The following PDE4D variants were observed in gnomAD, a reference collection of about 807,000 sequenced individuals.
The protein encoded by PDE4D is phosphodiesterase 4D, also known as 3',5'-cyclic-AMP phosphodiesterase 4D.
Under a neutral mutation model 87.4 loss-of-function variants are expected in PDE4D, and 24 were observed. The ratio of observed to expected loss-of-function variants is 0.27; its 90% CI spans 0.20 to 0.39. The LOEUF (loss-of-function observed/expected upper bound fraction) is 0.39, where lower values mean the gene tolerates loss of function less well. Among genes scored for constraint, PDE4D ranks in the 10% least tolerant of loss-of-function variants. The pLI, the probability that PDE4D is intolerant of heterozygous loss-of-function variation, is 1.00. For missense variants in PDE4D, 714 were observed against 1,041.0 expected (o/e 0.69, Z 4.32); for synonymous variants, 384 against 383.2 (o/e 1.00, Z -0.02).
chr5:59,887,222 T>C (rs1178231104), intron 1 of PDE4D, among the ~76,000 whole-genome samples: 4 of 152,158 alleles, frequency 2.6e-5, no homozygotes, highest in Non-Finnish European at 5.9e-5. Flanking sequence ...GCAAATTTTA[T>C]AGAGTTCTCA....
chr5:60,490,946 T>C (rs1749499224), upstream of PDE4D: 1 of 152,224 alleles, frequency 6.6e-6, no homozygotes, highest in Non-Finnish European at 1.5e-5. Context: ...ATGAGTAAAC[T>C]ATAGAAAACG....
chr5:59,229,832 C>T (rs1488150501), intron 1 of PDE4D, among the ~76,000 whole-genome samples: 1 of 152,156 alleles, frequency 6.6e-6, no homozygotes, highest in Non-Finnish European at 1.5e-5. Context: ...GAGTTTTGCT[C>T]TTGTTGTGCA....
intron 2 of PDE4D, among the ~76,000 whole-genome samples, chr5:60,062,887 G>A (rs1236186157): frequency 6.6e-6 from 1 of 151,940 alleles, no homozygotes; most frequent in Non-Finnish European, 1.5e-5. Context: ...GACACAGGGA[G>A]GGGAACAACA....
intron 1 of PDE4D, among the ~76,000 whole-genome samples, chr5:59,830,606 T>C (rs1741038166): frequency 6.6e-6 from 1 of 152,208 alleles, no homozygotes; most frequent in Admixed American, 6.5e-5. Flanking sequence ...CCAAATACCT[T>C]TCTGTACATT....
chr5:59,204,501 G>A (rs1303806042), intron 2 of PDE4D, among the ~76,000 whole-genome samples: 2 of 152,180 alleles, frequency 1.3e-5, no homozygotes, highest in Non-Finnish European at 2.9e-5. Flanking sequence ...TTAAACAAAT[G>A]TTTAGCACAT....
chr5:59,742,310 T>G (rs1580809971), intron 1 of PDE4D, among the ~76,000 whole-genome samples: 1 of 152,254 alleles, frequency 6.6e-6, no homozygotes, highest in African/African-American at 2.4e-5. Flanking sequence ...GTGATCCACC[T>G]GCCTTGGCCT....
rs1561662951 is a variant in PDE4D, at chr5:59,189,232, G to GTTTTTTTTTTGTT, written c.685-3971_685-3970insAACAAAAAAAAAA. The stretch of plus-strand genomic sequence containing the variant: ...AAAGAGATGTAGTTGTTCCTACCCC[G>GTTTTTTTTTTGTT]TTTTTTTTTTTGTTTTTTTTGTTTT... On this transcript the variant is annotated intron_variant, in intron 3 of 14. Transcript: ENST00000340635. 1.1e-3 allele frequency among the ~76,000 whole-genome samples: 105 copies of GTTTTTTTTTTGTT among 99,890 alleles called. 10 individuals are homozygous for GTTTTTTTTTTGTT. The highest frequency in any genetic ancestry group is 2.1e-3 in the African/African-American group (62 of 29,354). 65.5% of individuals were successfully genotyped at this position (99,890 alleles called of 152,430 possible).
chr5:59,402,902 T>C (rs1314447561), intron 1 of PDE4D, among the ~76,000 whole-genome samples: 1 of 152,190 alleles, frequency 6.6e-6, no homozygotes, highest in East Asian at 1.9e-4. Context: ...TATATAACAA[T>C]TATTGGCTAA....
chr5:59,184,891 T>C (rs1276441107), intron 4 of PDE4D, among the ~76,000 whole-genome samples: 2 of 152,160 alleles, frequency 1.3e-5, no homozygotes, highest in African/African-American at 4.8e-5. Flanking sequence ...ATTTATGAAG[T>C]AAGCCGAAAC....
chr5:59,507,679 A>AAAAAAAAAG (rs61334148), intron 1 of PDE4D, among the ~76,000 whole-genome samples: 14 of 118,662 alleles, frequency 1.2e-4, no homozygotes, highest in Non-Finnish European at 1.5e-4. Context: ...AAAAAAAAAA[A>AAAAAAAAAG]AAAAGAAAAG....
At chr5:59,514,849 A>G (rs1233343647) in intron 1 of PDE4D, among the ~76,000 whole-genome samples, 1 of 152,214 alleles carries the variant, frequency 6.6e-6, no homozygotes, top group Non-Finnish European at 1.5e-5. Flanking sequence ...GAGGGTATAC[A>G]CCTAATTCAT....
chr5:60,389,782 G>A (rs576231121), intron 1 of PDE4D, among the ~76,000 whole-genome samples: 153 of 152,120 alleles, frequency 1.0e-3, no homozygotes, highest in African/African-American at 3.4e-3. Context: ...AAGTAGAAGC[G>A]ACCCATTTCT....
intron 5 of PDE4D, among the ~76,000 whole-genome samples, chr5:59,069,892 C>A (rs2153416795): frequency 6.6e-6 from 1 of 152,076 alleles, no homozygotes; most frequent in African/African-American, 2.4e-5. Flanking sequence ...AAAATGGAAA[C>A]AAGCCATCTT....
chr5:59,060,183 G>A (rs185720160), intron 5 of PDE4D, among the ~76,000 whole-genome samples: 63 of 152,192 alleles, frequency 4.1e-4, no homozygotes, highest in African/African-American at 1.5e-3. Context: ...CAGCCATATT[G>A]GATGGTGAGT....
At chr5:59,836,324 A>T (rs917915283) in intron 1 of PDE4D, among the ~76,000 whole-genome samples, 3 of 151,964 alleles carry the variant, frequency 2.0e-5, no homozygotes, top group African/African-American at 4.8e-5. Flanking sequence ...TGTATCTCTA[A>T]TTTTTCTTCA....
At chr5:59,521,323 C>T (rs1293130818) in intron 1 of PDE4D, among the ~76,000 whole-genome samples, 1 of 152,150 alleles carries the variant, frequency 6.6e-6, no homozygotes, top group Non-Finnish European at 1.5e-5. Flanking sequence ...TTGCATAAAG[C>T]AGTCAGGTCA....
At chr5:60,124,592 C>G (rs1778966778) in intron 2 of PDE4D, among the ~76,000 whole-genome samples, 1 of 152,180 alleles carries the variant, frequency 6.6e-6, no homozygotes, top group Non-Finnish European at 1.5e-5. Flanking sequence ...ATTACTGTCT[C>G]TGTTGCATCA....
intron 3 of PDE4D, among the ~76,000 whole-genome samples, chr5:59,965,864 T>A (rs1759985577): frequency 6.6e-6 from 1 of 152,140 alleles, no homozygotes; most frequent in South Asian, 2.1e-4. Flanking sequence ...TAGTGCAAGC[T>A]CCAAGAAACC....
intron 1 of PDE4D, among the ~76,000 whole-genome samples, chr5:59,668,845 G>GGAAGAAGAAGAGGAA (rs1746605562): frequency 3.2e-5 from 2 of 62,124 alleles, no homozygotes; most frequent in African/African-American, 1.3e-4. Flanking sequence ...AAGAGGAAGA[G>GGAAGAAGAAGAGGAA]GAAGAAGAAG....
Sources: gnomAD v4.1 joint callset for allele counts (sites outside exome capture counted in the v4.1 genomes callset) on GRCh38, gnomAD v4.1.1 for gene constraint, MANE v1.5 for transcripts, NCBI Gene and HGNC (gene_info 2026-07-23, HGNC 2026-07-21) for gene names.